RBPMS: variants seen among roughly 807,000 people sequenced by gnomAD.
The protein encoded by RBPMS is RNA binding protein, mRNA processing factor.
RBPMS carries 7 observed loss-of-function variants against 26.8 expected under a neutral mutation model. The ratio of observed to expected loss-of-function variants is 0.26; its 90% CI spans 0.15 to 0.49. The LOEUF (loss-of-function observed/expected upper bound fraction) is 0.49. RBPMS is among the 20% of genes least tolerant of loss of function. The pLI, the probability that RBPMS is intolerant of heterozygous loss-of-function variation, is 0.98. For missense variants in RBPMS, 186 were observed against 250.0 expected (o/e 0.74, Z 1.73); for synonymous variants, 96 against 93.3 (o/e 1.03, Z -0.17).
intron 1 of RBPMS, among the ~76,000 whole-genome samples, chr8:30,415,957 G>A (rs570636976): frequency 2.0e-5 from 3 of 152,262 alleles, no homozygotes; most frequent in East Asian, 1.9e-4. Context: ...AAGTTTTAAC[G>A]TAACACAATG....
intron 1 of RBPMS, among the ~76,000 whole-genome samples, chr8:30,407,803 C>T (rs1005712410): frequency 1.0e-5 from 1 of 99,350 alleles, no homozygotes. Context: ...AATAACTTGC[C>T]CTGGGTCACA....
intron 7 of RBPMS, 53 bp downstream of exon 7, chr8:30,559,009 C>A: frequency 6.8e-7 from 1 of 1,462,366 alleles, no homozygotes; most frequent in Non-Finnish European, 9.6e-7. Context: ...CACATCTGTA[C>A]ATGGTGGGTG....
At position 30,504,408 on chromosome 8, in the gene RBPMS, T is replaced by G; in HGVS notation, c.369T>G (p.Thr123=). 2 of 1,614,124 alleles carry G rather than the reference T, an allele frequency of 1.2e-6. No homozygotes were observed. Among genetic ancestry groups the G allele is most frequent in the Non-Finnish European group, 1.7e-6 (2 of 1,179,958 alleles). ...TPNPSTPLPN[T]VPQFIAREPY... ...ACCCCAGTACTCCTCTGCCCAACAC[T>G]GTACCTCAGTTCATTGCCAGAGAGC... Residue 123 remains threonine, a synonymous_variant, in exon 5 of 9, where the codon ACT becomes ACG. Coordinates refer to ENST00000397323, the MANE Select transcript of RBPMS (RefSeq NM_001008710.3).
At chr8:30,565,212 C>T (rs1827800294) in intron 7 of RBPMS, 1 of 152,166 alleles carries the variant, frequency 6.6e-6, no homozygotes, top group African/African-American at 2.4e-5. Context: ...TGTTTTCTTC[C>T]TTAAATCTGA....
At chr8:30,504,582 G>A in intron 5 of RBPMS, 146 bp downstream of exon 5, 2 of 718,884 alleles carry the variant, frequency 2.8e-6, no homozygotes, top group Non-Finnish European at 4.4e-6. Flanking sequence ...CTTGGTGTCA[G>A]AATTCCAAAT....
At chr8:30,411,281 T>G (rs572276098) in intron 1 of RBPMS, among the ~76,000 whole-genome samples, 1 of 152,144 alleles carries the variant, frequency 6.6e-6, no homozygotes, top group Non-Finnish European at 1.5e-5. Context: ...AGTAGGAGTC[T>G]TATTCTAAGG....
chr8:30,416,539 G>A (rs1444693623), intron 1 of RBPMS, among the ~76,000 whole-genome samples: 1 of 152,126 alleles, frequency 6.6e-6, no homozygotes, highest in Non-Finnish European at 1.5e-5. Flanking sequence ...CTGGAGTGCA[G>A]TGGTACGACC....
chr8:30,475,910 TG>T (rs1356716890), intron 2 of RBPMS, among the ~76,000 whole-genome samples: 1 of 152,092 alleles, frequency 6.6e-6, no homozygotes, highest in South Asian at 2.1e-4. Context: ...CCAGGTCAGG[TG>T]GGAGGAAGTG....
chr8:30,534,416 G>A (rs1824588814), intron 5 of RBPMS, among the ~76,000 whole-genome samples: 1 of 152,216 alleles, frequency 6.6e-6, no homozygotes, highest in East Asian at 1.9e-4. Flanking sequence ...ATAAATACTT[G>A]TTCTGGTTTC....
intron 4 of RBPMS, among the ~76,000 whole-genome samples, chr8:30,483,116 G>A (rs1818445996): frequency 6.6e-6 from 1 of 152,124 alleles, no homozygotes; most frequent in Non-Finnish European, 1.5e-5. Flanking sequence ...TTATAAATAA[G>A]AATGATTTGT....
chr8:30,421,997 A>G (rs1257723901), intron 1 of RBPMS, among the ~76,000 whole-genome samples: 1 of 151,992 alleles, frequency 6.6e-6, no homozygotes, highest in Non-Finnish European at 1.5e-5. Context: ...TATGATAGAG[A>G]TAAGAATAAA....
intron 4 of RBPMS, among the ~76,000 whole-genome samples, chr8:30,496,911 G>A (rs1820026047): frequency 6.6e-6 from 1 of 152,130 alleles, no homozygotes; most frequent in Non-Finnish European, 1.5e-5. Context: ...ACAGACTCCT[G>A]GGGAAACTTT....
chr8:30,440,355 C>A (rs79062423), intron 1 of RBPMS, among the ~76,000 whole-genome samples: 1 of 152,274 alleles, frequency 6.6e-6, no homozygotes, highest in African/African-American at 2.4e-5. Context: ...CCCACATCCA[C>A]CCCACCTCTA....
chr8:30,539,210 A>G (rs1479931725), intron 5 of RBPMS, among the ~76,000 whole-genome samples: 1 of 152,074 alleles, frequency 6.6e-6, no homozygotes, highest in African/African-American at 2.4e-5. Context: ...TCCTGGCCAA[A>G]TTCTTCATCT....
intron 6 of RBPMS, among the ~76,000 whole-genome samples, chr8:30,549,742 C>CTTTCTTTCTTTGCT (rs1554543781): frequency 1.2e-4 from 17 of 144,064 alleles, no homozygotes; most frequent in Non-Finnish European, 1.7e-4. Context: ...TTCTTTCTTT[C>CTTTCTTTCTTTGCT]TTTCTTTCCT....
At chr8:30,393,178 C>T (rs1207451414) in intron 1 of RBPMS, among the ~76,000 whole-genome samples, 2 of 151,884 alleles carry the variant, frequency 1.3e-5, no homozygotes, top group African/African-American at 4.8e-5. Context: ...GTTTGGTATA[C>T]TTAGCCATTG....
chr8:30,503,685 G>A (rs1173736201), intron 4 of RBPMS, among the ~76,000 whole-genome samples: 2 of 152,088 alleles, frequency 1.3e-5, no homozygotes, highest in Non-Finnish European at 2.9e-5. Context: ...TAGGAGACTC[G>A]TTTTCAGGAC....
intron 7 of RBPMS, among the ~76,000 whole-genome samples, chr8:30,561,292 T>G (rs546170307): frequency 1.3e-5 from 2 of 152,308 alleles, no homozygotes; most frequent in South Asian, 4.1e-4. Context: ...AATTGACTTT[T>G]AAATACAGAT....
At chr8:30,560,376 TG>T (rs1449892692) in intron 7 of RBPMS, among the ~76,000 whole-genome samples, 2 of 152,082 alleles carry the variant, frequency 1.3e-5, no homozygotes, top group Non-Finnish European at 1.5e-5. Context: ...AGATGAGTAA[TG>T]GGCATGAGAG....
Sources: allele counts gnomAD v4.1 joint callset (sites outside exome capture counted in the v4.1 genomes callset), GRCh38; gene constraint gnomAD v4.1.1; transcripts MANE v1.5; gene names NCBI Gene and HGNC (gene_info 2026-07-23, HGNC 2026-07-21).